LAMA2: variants seen among roughly 807,000 people sequenced by gnomAD.
LAMA2 encodes the protein laminin subunit alpha-2.
Under a neutral mutation model 364.8 loss-of-function variants are expected in LAMA2, and 269 were observed. The ratio of observed to expected loss-of-function variants is 0.74; its 90% CI spans 0.67 to 0.82. LAMA2 has a LOEUF of 0.82. LAMA2 is among the 40% of genes least tolerant of loss of function. The pLI, the probability that LAMA2 is intolerant of heterozygous loss-of-function variation, is 0.00. For missense variants in LAMA2, 3,807 were observed against 3,873.2 expected, an observed-to-expected ratio of 0.98 and a Z score of 0.45; for synonymous variants, 1,379 against 1,370.6, an observed-to-expected ratio of 1.01 and a Z score of -0.14.
rs1315049256 is a variant in LAMA2 at position 128,929,950 on chromosome 6, C to A, written c.112+46593C>A. ...GCGCGGCCCACAGCCCCACCTGGACCCACCACTCCCTCATCCTGCGGAGGC... is the reference window on the plus strand; with the variant it reads ...GCGCGGCCCACAGCCCCACCTGGACACACCACTCCCTCATCCTGCGGAGGC... On this transcript the variant is annotated intron_variant, in intron 1 of 64. Coordinates refer to ENST00000421865, the MANE Select transcript of LAMA2 (RefSeq NM_000426.4). 10 of 717,260 alleles carry A rather than the reference C, an allele frequency of 1.4e-5. No homozygotes were observed. In the African/African-American group the frequency reaches 1.6e-4, roughly 11 times the overall value. The allele number at this position is 717,260 out of a possible 1,614,324, so 44.4% of individuals were successfully genotyped here. A position where few individuals can be genotyped will look rare whatever the true frequency, so the allele number is the denominator to read the frequency against.
At chr6:129,419,350 T>C (rs1018516709) in intron 40 of LAMA2, among the ~76,000 whole-genome samples, 2 of 152,216 alleles carry the variant, frequency 1.3e-5, no homozygotes, top group Non-Finnish European at 1.5e-5. Context: ...AGAGGTGAGA[T>C]TGATGTTGTT....
intron 51 of LAMA2, among the ~76,000 whole-genome samples, chr6:129,470,735 G>A (rs1467661676): frequency 6.6e-6 from 1 of 151,932 alleles, no homozygotes; most frequent in African/African-American, 2.4e-5. Context: ...TGACAGAGTA[G>A]TGGGAGAGGA....
At chr6:129,033,548 T>C (rs984717031) in intron 1 of LAMA2, among the ~76,000 whole-genome samples, 1 of 152,176 alleles carries the variant, frequency 6.6e-6, no homozygotes, top group African/African-American at 2.4e-5. Flanking sequence ...AATTATTAAC[T>C]GCAGACAAAG....
intron 58 of LAMA2, among the ~76,000 whole-genome samples, chr6:129,500,372 C>T (rs1785536375): frequency 6.6e-6 from 1 of 152,158 alleles, no homozygotes; most frequent in Non-Finnish European, 1.5e-5. Context: ...AAGGACTATA[C>T]ACCATAATGG....
At position 129,486,338 on chromosome 6, in the gene LAMA2, C is replaced by G. The variant is rs6569604; in HGVS notation, c.7750-136C>G. 553,645 of 824,476 alleles carry G rather than the reference C, an allele frequency of 0.67. 188,494 individuals carry two copies. Among genetic ancestry groups the G allele is most frequent in the Non-Finnish European group, 0.71 (350,220 of 496,536 alleles). 51.1% of individuals were successfully genotyped at this position (824,476 alleles called of 1,614,324 possible). ...AGATATTTCCAGCTGTTTTCAAAACCGTTTGAGAAAATAAAGTCTTAATTT... is the reference window on the plus strand; with the variant it reads ...AGATATTTCCAGCTGTTTTCAAAACGGTTTGAGAAAATAAAGTCTTAATTT... On this transcript the variant is annotated intron_variant, in intron 55 of 64. Transcript: ENST00000421865.
At chr6:128,981,406 T>C (rs1582816110) in intron 1 of LAMA2, among the ~76,000 whole-genome samples, 1 of 151,902 alleles carries the variant, frequency 6.6e-6, no homozygotes, top group East Asian at 1.9e-4. Context: ...TAGCCTCCAC[T>C]CTCAAAACTC....
At chr6:129,203,840 G>A (rs1390524138) in intron 12 of LAMA2, among the ~76,000 whole-genome samples, 1 of 152,076 alleles carries the variant, frequency 6.6e-6, no homozygotes. Flanking sequence ...ATCTAGTTGA[G>A]CCAGATTCTC....
intron 1 of LAMA2, among the ~76,000 whole-genome samples, chr6:129,040,361 C>A (rs1278438740): frequency 1.3e-5 from 2 of 152,098 alleles, no homozygotes; most frequent in African/African-American, 2.4e-5. Context: ...TGGCTCATGC[C>A]TGTAATCTCA....
chr6:129,405,855 G>C (rs1452139631), intron 40 of LAMA2, among the ~76,000 whole-genome samples: 4 of 152,058 alleles, frequency 2.6e-5, no homozygotes, highest in Non-Finnish European at 5.9e-5. Flanking sequence ...AGAAGAATGA[G>C]ATTAAATGTA....
chr6:129,042,723 G>T (rs1015443909), intron 1 of LAMA2, among the ~76,000 whole-genome samples: 1 of 152,106 alleles, frequency 6.6e-6, no homozygotes, highest in Non-Finnish European at 1.5e-5. Flanking sequence ...TTTCCTAAAA[G>T]ATTAGGTATG....
chr6:129,250,279 A>AT (rs1372543126), intron 13 of LAMA2, 66 bp downstream of exon 13: 6 of 971,100 alleles, frequency 6.2e-6, no homozygotes, highest in African/African-American at 3.2e-5. Flanking sequence ...CCAGTACTGT[A>AT]TTTTTTACCT....
In LAMA2 at chr6:129,288,031, G is replaced by C; in HGVS notation, c.2722G>C (p.Asp908His). 1 of 1,614,030 alleles carries C rather than the reference G, an allele frequency of 6.2e-7. No individual in the cohort carries two copies. The highest frequency in any genetic ancestry group is 8.5e-7 in the Non-Finnish European group (1 of 1,179,896). Residue 908 changes from aspartate (D) to histidine (H), a missense_variant, in exon 19 of 65, where the codon GAT (aspartate) becomes CAT (histidine). By Grantham distance (81) the Asp-to-His change is moderately conservative. This residue lies in a region of LAMA2 where 3,333 missense variants were observed against 3,345.7 expected (regional missense o/e 1.00). Transcript: ENST00000421865. ...CELCADGYFG[D>H]AVDAKNCQPC... ...GCTCTGTGCTGATGGATATTTTGGAGATGCAGTTGATGCGAAGAACTGTCA... is the reference window on the plus strand; with the variant it reads ...GCTCTGTGCTGATGGATATTTTGGACATGCAGTTGATGCGAAGAACTGTCA...
At chr6:129,178,760 G>A (rs2219787) in intron 10 of LAMA2, among the ~76,000 whole-genome samples, 50,553 of 151,728 alleles carry the variant, frequency 0.33, 11,857 homozygotes, top group African/African-American at 0.68. Flanking sequence ...GTTATATTTG[G>A]TACATGTGAG....
chr6:128,888,734 CAT>C (rs990335206), intron 1 of LAMA2, among the ~76,000 whole-genome samples: 4 of 152,172 alleles, frequency 2.6e-5, no homozygotes, highest in African/African-American at 9.7e-5. Flanking sequence ...AACTGGAACA[CAT>C]AGCATTGTTG....
At chr6:128,974,605 A>G (rs576425178) in intron 1 of LAMA2, among the ~76,000 whole-genome samples, 2 of 152,194 alleles carry the variant, frequency 1.3e-5, no homozygotes, top group African/African-American at 4.8e-5. Context: ...CAAAGTTAAT[A>G]TATTTCCTGG....
At chr6:128,936,960 A>G (rs1411988670) in intron 1 of LAMA2, among the ~76,000 whole-genome samples, 4 of 152,154 alleles carry the variant, frequency 2.6e-5, no homozygotes, top group Admixed American at 2.6e-4. Context: ...CAGTTTGGAT[A>G]CCCTAGAAAA....
chr6:129,028,359 A>T (rs1756402528), intron 1 of LAMA2, among the ~76,000 whole-genome samples: 1 of 151,872 alleles, frequency 6.6e-6, no homozygotes, highest in Non-Finnish European at 1.5e-5. Context: ...GTCCAGCATT[A>T]CATTAGGCAG....
At chr6:129,400,753 C>A (rs892760417) in intron 37 of LAMA2, among the ~76,000 whole-genome samples, 1 of 152,140 alleles carries the variant, frequency 6.6e-6, no homozygotes, top group Non-Finnish European at 1.5e-5. Flanking sequence ...TTCTCTATTT[C>A]TTAAAAAGTA....
intron 2 of LAMA2, among the ~76,000 whole-genome samples, chr6:129,053,783 A>G (rs9688764): frequency 0.27 from 41,204 of 152,118 alleles, 5,836 homozygotes; most frequent in African/African-American, 0.34. Flanking sequence ...TAATAAATGA[A>G]TGATGAAGAA....
Sources: gnomAD v4.1 joint callset for allele counts (sites outside exome capture counted in the v4.1 genomes callset) on GRCh38, gnomAD v4.1.1 for gene constraint, gnomAD v4.1.1 regional missense constraint, MANE v1.5 for transcripts, NCBI Gene and HGNC (gene_info 2026-07-23, HGNC 2026-07-21) for gene names.